JMJD1C: variants seen among roughly 807,000 people sequenced by gnomAD.
JMJD1C encodes jumonji domain-containing protein 1C.
A neutral mutation model predicts 245.3 loss-of-function variants in JMJD1C; 31 were observed. The observed-to-expected ratio is 0.13, with a 90% CI of 0.09 to 0.17. The LOEUF (loss-of-function observed/expected upper bound fraction) is 0.17. Among genes scored for constraint, JMJD1C ranks in the 10% least tolerant of loss-of-function variants. JMJD1C has a pLI of 1.00. For missense variants in JMJD1C, 2,691 were observed against 3,000.2 expected, an observed-to-expected ratio of 0.90 and a Z score of 2.41; for synonymous variants, 1,057 against 1,017.4, an observed-to-expected ratio of 1.04 and a Z score of -0.74.
chr10:63,202,844 T>C (rs1589135901), intron 10 of JMJD1C: 2 of 981,238 alleles, frequency 2.0e-6, no homozygotes, highest in Non-Finnish European at 1.2e-6. Flanking sequence ...ATACTGCTGA[T>C]AAATTTTTAT....
chr10:63,249,471 T>C (rs995405621), intron 3 of JMJD1C, among the ~76,000 whole-genome samples: 1 of 152,212 alleles, frequency 6.6e-6, no homozygotes, highest in Non-Finnish European at 1.5e-5. Context: ...ATAAGACCTA[T>C]GGTTTATAGA....
intron 3 of JMJD1C, among the ~76,000 whole-genome samples, chr10:63,247,588 A>G (rs1308922528): frequency 2.0e-5 from 3 of 150,026 alleles, no homozygotes; most frequent in African/African-American, 7.4e-5. Flanking sequence ...AAAACATACA[A>G]AATGTATGGT....
intron 2 of JMJD1C, among the ~76,000 whole-genome samples, chr10:63,377,055 CGTG>C (rs2134471831): frequency 6.6e-6 from 1 of 152,158 alleles, no homozygotes; most frequent in African/African-American, 2.4e-5. Flanking sequence ...ATGAAAAGAA[CGTG>C]GTGTATAAAC....
chr10:63,372,004 G>A (rs1207955595), intron 2 of JMJD1C, among the ~76,000 whole-genome samples: 1 of 152,120 alleles, frequency 6.6e-6, no homozygotes, highest in African/African-American at 2.4e-5. Context: ...TTGGAAGGTG[G>A]CATATTTTCA....
At chr10:63,418,252 T>C (rs1282300999) in intron 1 of JMJD1C, among the ~76,000 whole-genome samples, 3 of 152,154 alleles carry the variant, frequency 2.0e-5, no homozygotes, top group Non-Finnish European at 4.4e-5. Context: ...TCCCAAGTAA[T>C]GCCAATGCTA....
Position 63,381,155 on chromosome 10 carries a change from G to A in JMJD1C, c.169-673C>T, listed in dbSNP as rs545159478. On this transcript the variant is annotated intron_variant, in intron 1 of 25. Transcript: ENST00000399262. The stretch of plus-strand genomic sequence containing the variant: ...ACTGGAGGTGATTATGTTATATGAA[G>A]TAAGCCAGGTACAAAAGACAGATAT... Among the ~76,000 whole-genome samples the A allele has an allele frequency of 1.6e-3, 244 of 152,292 alleles. 1 individual carries two copies. In the Middle Eastern group the frequency reaches 0.017, roughly 11 times the overall value.
At chr10:63,395,112 T>C (rs1432907437) in intron 1 of JMJD1C, among the ~76,000 whole-genome samples, 10 of 152,096 alleles carry the variant, frequency 6.6e-5, no homozygotes, top group Admixed American at 6.5e-4. Flanking sequence ...TCAAAAGATA[T>C]TAAAAATCAT....
chr10:63,269,336 G>A (rs938198084), intron 2 of JMJD1C: 1 of 356,274 alleles, frequency 2.8e-6, no homozygotes, highest in Non-Finnish European at 3.9e-6. Flanking sequence ...CACATTACTA[G>A]TGATTACTCA....
At chr10:63,390,923 A>G (rs1948001273) in intron 1 of JMJD1C, among the ~76,000 whole-genome samples, 1 of 152,196 alleles carries the variant, frequency 6.6e-6, no homozygotes, top group South Asian at 2.1e-4. Flanking sequence ...CTTCCCTTTA[A>G]GAACTGGAAC....
At chr10:63,419,386 C>T (rs1444668013) in intron 1 of JMJD1C, among the ~76,000 whole-genome samples, 1 of 149,234 alleles carries the variant, frequency 6.7e-6, no homozygotes, top group Non-Finnish European at 1.5e-5. Context: ...GACTCTGTCT[C>T]GAAAAAAAAT....
At chr10:63,328,050 G>A (rs1435529627) in intron 2 of JMJD1C, among the ~76,000 whole-genome samples, 9 of 152,066 alleles carry the variant, frequency 5.9e-5, no homozygotes, top group East Asian at 2.0e-4. Flanking sequence ...CAAGCCAGGC[G>A]GATCACCTGA....
chr10:63,201,024 ACAGTCCTT>A (rs1237835429), intron 10 of JMJD1C, among the ~76,000 whole-genome samples: 8 of 152,242 alleles, frequency 5.3e-5, no homozygotes, highest in Admixed American at 2.0e-4. Context: ...AACTGAAAAT[ACAGTCCTT>A]CTATACCAAA....
chr10:63,364,020 TAA>T (rs1377370441), intron 2 of JMJD1C, among the ~76,000 whole-genome samples: 3 of 151,516 alleles, frequency 2.0e-5, no homozygotes, highest in Non-Finnish European at 4.4e-5. Flanking sequence ...CATTCTTGGC[TAA>T]TTTTTGTATA....
intron 1 of JMJD1C, among the ~76,000 whole-genome samples, chr10:63,474,752 A>G (rs17814528): frequency 0.24 from 36,287 of 152,040 alleles, 5,349 homozygotes; most frequent in Non-Finnish European, 0.32. Context: ...GCTCAGCCCA[A>G]AACAATTTGT....
At chr10:63,223,763 T>C (rs919754582) in intron 3 of JMJD1C, among the ~76,000 whole-genome samples, 2 of 152,022 alleles carry the variant, frequency 1.3e-5, no homozygotes, top group Non-Finnish European at 2.9e-5. Context: ...TTTTGTTTTG[T>C]TTTGTTTTGA....
chr10:63,247,417 A>T lies in JMJD1C; in HGVS notation c.447+17234T>A, dbSNP rs573329649. 2.5e-4 allele frequency among the ~76,000 whole-genome samples: 38 copies of T among 152,242 alleles called. 1 individual carries two copies. The East Asian group carries it at 6.9e-3, about 28-fold the overall frequency. Reference sequence around the variant, plus strand: ...AAAGAAAAGAAAACCTCAACAAACCAGTAACAAATAATGGAATCAAAGCCT... The same window carrying T: ...AAAGAAAAGAAAACCTCAACAAACCTGTAACAAATAATGGAATCAAAGCCT... On this transcript the variant is annotated intron_variant, in intron 3 of 25. Coordinates refer to ENST00000399262, the MANE Select transcript of JMJD1C (RefSeq NM_032776.3).
chr10:63,205,472 A>T (rs1189109531), intron 10 of JMJD1C, among the ~76,000 whole-genome samples: 1 of 152,174 alleles, frequency 6.6e-6, no homozygotes, highest in Non-Finnish European at 1.5e-5. Context: ...AAAAAACAAA[A>T]CTTTAATTTG....
At chr10:63,403,068 G>A (rs544690779) in intron 1 of JMJD1C, among the ~76,000 whole-genome samples, 127 of 152,226 alleles carry the variant, frequency 8.3e-4, no homozygotes, top group Non-Finnish European at 4.4e-4. Context: ...GAAAGTTAAG[G>A]AAAAACTGAG....
At chr10:63,394,759 G>C (rs1439951884) in intron 1 of JMJD1C, among the ~76,000 whole-genome samples, 5 of 151,648 alleles carry the variant, frequency 3.3e-5, no homozygotes, top group Admixed American at 6.6e-5. Flanking sequence ...CAGGAGAATC[G>C]CTTGAACCTG....
Sources: gnomAD v4.1 joint callset for allele counts (sites outside exome capture counted in the v4.1 genomes callset) on GRCh38, gnomAD v4.1.1 for gene constraint, MANE v1.5 for transcripts, NCBI Gene and HGNC (gene_info 2026-07-23, HGNC 2026-07-21) for gene names.